AP2B1: variants seen among roughly 807,000 people sequenced by gnomAD.
AP2B1 encodes the protein AP-2 complex subunit beta.
Under a neutral mutation model 102.0 loss-of-function variants are expected in AP2B1, and 23 were observed. The ratio of observed to expected loss-of-function variants is 0.23; its 90% CI spans 0.16 to 0.32. The LOEUF (loss-of-function observed/expected upper bound fraction) is 0.32, where lower values mean the gene tolerates loss of function less well. Ranked by LOEUF, AP2B1 falls within the 10% of genes least tolerant of loss-of-function variation. AP2B1 has a pLI of 1.00. For missense variants in AP2B1, 541 were observed against 1,157.4 expected, an observed-to-expected ratio of 0.47 and a Z score of 7.73; for synonymous variants, 381 against 421.2, an observed-to-expected ratio of 0.90 and a Z score of 1.17.
chr17:35,722,741 G>A (rs753042013), intron 21 of AP2B1, among the ~76,000 whole-genome samples: 1 of 152,122 alleles, frequency 6.6e-6, no homozygotes, highest in Non-Finnish European at 1.5e-5. Context: ...AATGATGTCA[G>A]CAATATAAAA....
At position 35,609,787 on chromosome 17, in the gene AP2B1, A is replaced by G. The variant is rs542090524; in HGVS notation, c.525+1400A>G. ...TATTTTCTTAGTGAACTTTAAATGGAGAATTAGAATTTGGCTGGACATAGA... is the reference window on the plus strand; with the variant it reads ...TATTTTCTTAGTGAACTTTAAATGGGGAATTAGAATTTGGCTGGACATAGA... On this transcript the variant is annotated intron_variant, in intron 5 of 21. Coordinates refer to ENST00000610402, the MANE Select transcript of AP2B1 (RefSeq NM_001030006.2). Among the ~76,000 whole-genome samples the G allele has an allele frequency of 8.5e-5, 13 of 152,288 alleles. No homozygotes were observed. In the East Asian group the frequency reaches 1.9e-3, roughly 23 times the overall value.
intron 1 of AP2B1, among the ~76,000 whole-genome samples, chr17:35,592,807 C>T (rs144655357): frequency 4.8e-4 from 73 of 152,258 alleles, no homozygotes; most frequent in Non-Finnish European, 1.0e-3. Context: ...TCACAAAGTG[C>T]TGGGATTACA....
intron 5 of AP2B1, among the ~76,000 whole-genome samples, chr17:35,618,075 A>G (rs1335866109): frequency 6.6e-6 from 1 of 152,178 alleles, no homozygotes; most frequent in Non-Finnish European, 1.5e-5. Context: ...GAAGATGGGG[A>G]AAAAATGGAA....
intron 18 of AP2B1, among the ~76,000 whole-genome samples, chr17:35,687,992 A>G (rs1012991530): frequency 2.0e-5 from 3 of 152,178 alleles, no homozygotes; most frequent in Non-Finnish European, 4.4e-5. Flanking sequence ...TTCAATCCCA[A>G]ATTCCATTGA....
chr17:35,649,136 T>C (rs1227931440), intron 12 of AP2B1, among the ~76,000 whole-genome samples: 1 of 152,158 alleles, frequency 6.6e-6, no homozygotes, highest in Non-Finnish European at 1.5e-5. Context: ...ACCTCTTTAT[T>C]TCCAGGGCTT....
intron 14 of AP2B1, among the ~76,000 whole-genome samples, chr17:35,664,057 G>A (rs2075410970): frequency 6.6e-6 from 1 of 151,896 alleles, no homozygotes; most frequent in Non-Finnish European, 1.5e-5. Flanking sequence ...ACTATGCCTG[G>A]TCATTTTATT....
chr17:35,638,612 C>A (rs1228138236), intron 10 of AP2B1, among the ~76,000 whole-genome samples: 1 of 151,768 alleles, frequency 6.6e-6, no homozygotes, highest in East Asian at 1.9e-4. Context: ...CATGGAGAAA[C>A]CCTGTCTCTA....
Position 35,639,597 on chromosome 17 carries a change from A to T in AP2B1, c.1274A>T (p.Tyr425Phe), listed in dbSNP as rs1309818925. The change falls in exon 11 of 22, where the codon TAT becomes TTT. Residue 425 changes from tyrosine to phenylalanine, a missense_variant and splice_region_variant. Around this residue, in one of 10 missense-constraint regions of AP2B1, gnomAD observed 106 missense variants for 296.4 expected, o/e 0.36. Coordinates refer to ENST00000610402, the MANE Select transcript of AP2B1 (RefSeq NM_001030006.2). Reference protein sequence around the residue: ...RDIFRKYPNKYESIIATLCEN... With the variant: ...RDIFRKYPNKFESIIATLCEN... ...CATAGTTCATTTTTTTTCATCAGGT[A>T]TGAAAGTATCATCGCCACTCTGTGT... 2 of 1,609,300 alleles carry T rather than the reference A, an allele frequency of 1.2e-6. No individual in the cohort carries two copies. The highest frequency in any genetic ancestry group is 8.5e-7 in the Non-Finnish European group (1 of 1,178,472).
chr17:35,682,569 G>T, intron 17 of AP2B1, 126 bp from the exon 18 acceptor site: 1 of 810,944 alleles, frequency 1.2e-6, no homozygotes, highest in Non-Finnish European at 1.9e-6. Flanking sequence ...GTTTTGAACT[G>T]CTGACCTCAG....
intron 9 of AP2B1, among the ~76,000 whole-genome samples, chr17:35,632,115 A>G (rs1327648952): frequency 1.3e-5 from 2 of 150,262 alleles, no homozygotes; most frequent in South Asian, 2.1e-4. Flanking sequence ...TTCTATGGCA[A>G]TGATTTTGTT....
chr17:35,599,394 T>C (rs932736916), intron 3 of AP2B1, among the ~76,000 whole-genome samples: 2 of 152,210 alleles, frequency 1.3e-5, no homozygotes, highest in Admixed American at 1.3e-4. Flanking sequence ...AGTAAAAAAT[T>C]AGAATTTTGG....
At chr17:35,636,540 C>T (rs1354349953) in intron 10 of AP2B1, 84 bp downstream of exon 10, 26 of 997,742 alleles carry the variant, frequency 2.6e-5, no homozygotes, top group Non-Finnish European at 3.6e-5. Flanking sequence ...GTAAGAATTA[C>T]TCTTTTGAAT....
intron 1 of AP2B1, chr17:35,588,563 T>TG (rs1257731495): frequency 2.0e-5 from 3 of 152,212 alleles, no homozygotes; most frequent in African/African-American, 4.8e-5. Context: ...AGAAAGAAGG[T>TG]GGTCTCAATG....
At chr17:35,672,555 C>T (rs773297072) in intron 16 of AP2B1, among the ~76,000 whole-genome samples, 11 of 152,184 alleles carry the variant, frequency 7.2e-5, no homozygotes, top group Non-Finnish European at 1.2e-4. Context: ...AATCTGACTC[C>T]TTATGGGGGA....
In AP2B1 at chr17:35,721,754, A is replaced by G. The variant is rs949216791; in HGVS notation, c.2782-1871A>G. 1.1e-4 allele frequency among the ~76,000 whole-genome samples: 16 copies of G among 152,354 alleles called. No individual in the cohort carries two copies. The East Asian group carries it at 3.1e-3, about 29-fold the overall frequency. On this transcript the variant is annotated intron_variant, in intron 21 of 21. Coordinates refer to ENST00000610402, the MANE Select transcript of AP2B1 (RefSeq NM_001030006.2). ...AGGAACTTCAAGTATTGTTACAAAG[A>G]TGTGGAAAAATACAAGATAGTATTT...
At chr17:35,705,174 CTA>C (rs1267509247) in intron 18 of AP2B1, among the ~76,000 whole-genome samples, 1 of 152,066 alleles carries the variant, frequency 6.6e-6, no homozygotes, top group Non-Finnish European at 1.5e-5. Context: ...CTGGGGAAGC[CTA>C]TGTTACTGAA....
chr17:35,716,145 A>G (rs1555589759), intron 20 of AP2B1, among the ~76,000 whole-genome samples: 3 of 152,228 alleles, frequency 2.0e-5, no homozygotes. Context: ...CCATCATGGC[A>G]ACCTTTTCCC....
chr17:35,632,088 A>ATTT (rs11432512), intron 9 of AP2B1, among the ~76,000 whole-genome samples: 19 of 145,728 alleles, frequency 1.3e-4, no homozygotes, highest in Non-Finnish European at 2.3e-4. Flanking sequence ...AAAATTCACT[A>ATTT]TTTTTTTTTT....
At chr17:35,668,323 T>C (rs886379205) in intron 14 of AP2B1, among the ~76,000 whole-genome samples, 6 of 152,172 alleles carry the variant, frequency 3.9e-5, no homozygotes, top group African/African-American at 1.4e-4. Flanking sequence ...TCTAAATAAC[T>C]GATTCTCTAA....
Sources: allele counts gnomAD v4.1 joint callset (sites outside exome capture counted in the v4.1 genomes callset), GRCh38; gene constraint gnomAD v4.1.1; regional missense constraint gnomAD v4.1.1; transcripts MANE v1.5; gene names NCBI Gene and HGNC (gene_info 2026-07-23, HGNC 2026-07-21).